The following FCRL1 variants were observed in gnomAD, a reference collection of about 807,000 sequenced individuals.
The protein encoded by FCRL1 is Fc receptor-like protein 1.
A neutral mutation model predicts 49.2 loss-of-function variants in FCRL1; 34 were observed. The observed-to-expected ratio is 0.69, with a 90% CI of 0.53 to 0.92. The LOEUF (loss-of-function observed/expected upper bound fraction) is 0.92. FCRL1 is among the 40% of genes least tolerant of loss of function. The pLI, the probability that FCRL1 is intolerant of heterozygous loss-of-function variation, is 0.00. For missense variants in FCRL1, 524 were observed against 524.1 expected, an observed-to-expected ratio of 1.00 and a Z score of 0.00; for synonymous variants, 218 against 201.6, an observed-to-expected ratio of 1.08 and a Z score of -0.69.
chr1:157,808,428 G>C (rs1041149937), intron 1 of FCRL1, among the ~76,000 whole-genome samples: 2 of 152,188 alleles, frequency 1.3e-5, no homozygotes, highest in Non-Finnish European at 2.9e-5. Context: ...ATTTGGGAAA[G>C]AGCATCCCTG....
intron 3 of FCRL1, among the ~76,000 whole-genome samples, chr1:157,803,584 A>G (rs1026447154): frequency 6.6e-6 from 1 of 152,146 alleles, no homozygotes; most frequent in Non-Finnish European, 1.5e-5. Flanking sequence ...CAGGGACCAA[A>G]TATTATGCAG....
intron 1 of FCRL1, among the ~76,000 whole-genome samples, chr1:157,809,991 C>A (rs1331851906): frequency 6.6e-6 from 1 of 152,092 alleles, no homozygotes; most frequent in East Asian, 1.9e-4. Flanking sequence ...AGAAAGCCAG[C>A]AGAATATGAT....
chr1:157,797,986 T>C (rs933498974), intron 8 of FCRL1, 47 bp from the exon 9 acceptor site: 4 of 1,587,954 alleles, frequency 2.5e-6, no homozygotes, highest in Admixed American at 1.7e-5. Context: ...CTGATTCCTG[T>C]CTTTCAAATT....
intron 7 of FCRL1, 115 bp from the exon 8 acceptor site, chr1:157,798,358 G>T (rs1022914936): frequency 1.6e-5 from 14 of 863,378 alleles, no homozygotes; most frequent in Non-Finnish European, 2.5e-5. Flanking sequence ...ACTAAGTTAC[G>T]GGGAAATGAG....
intron 1 of FCRL1, among the ~76,000 whole-genome samples, chr1:157,810,871 C>T (rs1654217453): frequency 6.6e-6 from 1 of 152,110 alleles, no homozygotes; most frequent in African/African-American, 2.4e-5. Flanking sequence ...ACCTCCTGGG[C>T]TCAAGTGATC....
rs145284358 is a variant in FCRL1, at chr1:157,812,396, G to C, written c.32-5274C>G. The stretch of plus-strand genomic sequence containing the variant: ...GCATCACAGAGCAGGGGCCACTACT[G>C]TGTCCCACCACTCCAGGGTCCAGAG... On this transcript the variant is annotated intron_variant, in intron 1 of 10. Coordinates refer to ENST00000368176, the MANE Select transcript of FCRL1 (RefSeq NM_052938.5). Among the ~76,000 whole-genome samples the C allele has an allele frequency of 4.7e-4, 71 of 152,188 alleles. No homozygotes were observed. In the East Asian group the frequency reaches 9.5e-3, roughly 20 times the overall value.
Position 157,797,888 on chromosome 1 carries a change from G to T in FCRL1, c.1166C>A (p.Pro389Gln), listed in dbSNP as rs370658792. The change falls in exon 9 of 11, where the codon CCG (proline) becomes CAG (glutamine). Residue 389 changes from proline to glutamine, a missense_variant. Physicochemically the swap from Pro to Gln is moderately conservative, Grantham distance 76. Coordinates refer to ENST00000368176, the MANE Select transcript of FCRL1 (RefSeq NM_052938.5). ...CTCACCTGCTACTGATTCCTGCTCC[G>T]GCTGGTTATAGTACGCCAGTGAATA... ...EVYSLAYYNQ[P>Q]EQESVAAETL... The T allele has an allele frequency of 1.9e-6, 3 of 1,614,006 alleles. No individual in the cohort carries two copies. The highest frequency in any genetic ancestry group is 2.2e-5 in the East Asian group (1 of 44,898).
At chr1:157,807,218 C>T in intron 1 of FCRL1, 96 bp from the exon 2 acceptor site, 2 of 1,313,550 alleles carry the variant, frequency 1.5e-6, no homozygotes, top group Non-Finnish European at 2.1e-6. Context: ...ACCACACCCT[C>T]CATCCCCTGG....
Position 157,796,132 on chromosome 1 carries a change from G to A in FCRL1, c.1257C>T (p.Asn419=), listed in dbSNP as rs753261539. Residue 419 remains asparagine (N), a synonymous_variant, in exon 11 of 11, where the codon AAC becomes AAT. Coordinates refer to ENST00000368176, the MANE Select transcript of FCRL1 (RefSeq NM_052938.5). ...LDIYSRLRKA[N]ITDVDYEDAM ...CATCTTCATAGTCCACATCTGTAAT[G>A]TTTGCTTTCCTCAGCCTGGAATAGA... is the stretch of plus-strand genomic sequence containing the variant. 8 of 1,613,928 alleles carry A rather than the reference G, an allele frequency of 5.0e-6. No homozygotes were observed. Among genetic ancestry groups the A allele is most frequent in the Middle Eastern group, 1.6e-4 (1 of 6,082 alleles).
At position 157,815,355 on chromosome 1, in the gene FCRL1, T is replaced by C. The variant is rs543123558; in HGVS notation, c.31+4652A>G. 2.0e-5 allele frequency among the ~76,000 whole-genome samples: 3 copies of C among 151,814 alleles called. No individual in the cohort carries two copies. The South Asian group carries it at 6.2e-4, about 32-fold the overall frequency. On this transcript the variant is annotated intron_variant, in intron 1 of 10. Transcript: ENST00000368176. ...GAACATCATGCTCCCAAAGAACCAA[T>C]GAGTCAATGAAAAATAATTCAAAGA...
intron 3 of FCRL1, among the ~76,000 whole-genome samples, chr1:157,803,597 C>T (rs1301570502): frequency 6.6e-6 from 1 of 152,174 alleles, no homozygotes; most frequent in Non-Finnish European, 1.5e-5. Context: ...TTATGCAGCT[C>T]TTCCCCCCAC....
In FCRL1 at chr1:157,796,022, C is replaced by T. The variant is rs1651407584; in HGVS notation, c.*77G>A. On this transcript the variant is annotated 3_prime_UTR_variant, in exon 11 of 11. Transcript: ENST00000368176. ...GAGGTATACTGGAAAGCTAATGCCC[C>T]AGGATCTCTGAAGAACATATCAGGC... The T allele has an allele frequency of 8.2e-7, 1 of 1,217,490 alleles. No individual in the cohort carries two copies. The highest frequency in any genetic ancestry group is 1.2e-6 in the Non-Finnish European group (1 of 819,920). 75.4% of individuals were successfully genotyped at this position (1,217,490 alleles called of 1,614,324 possible).
rs1652962821 is a variant in FCRL1, at chr1:157,803,975, T to G, written c.189A>C (p.Pro63=). 8.7e-6 allele frequency: 14 copies of G among 1,614,090 alleles called. No individual in the cohort carries two copies. The highest frequency in any genetic ancestry group is 1.2e-5 in the Non-Finnish European group (14 of 1,180,050). Residue 63 remains proline (P), a synonymous_variant, in exon 3 of 11, where the codon CCA becomes CCC. Transcript: ENST00000368176. ...GGAGCTTGGGGGAGCTGCTCCAGCCTGGGCCCAAGGCCCGGGTGTCTCTGA... is the reference window on the plus strand; with the variant it reads ...GGAGCTTGGGGGAGCTGCTCCAGCCGGGGCCCAAGGCCCGGGTGTCTCTGA... ...CFFRDTRALG[P]GWSSSPKLQI...
intron 1 of FCRL1, among the ~76,000 whole-genome samples, chr1:157,808,978 T>A (rs1457938827): frequency 2.6e-5 from 4 of 152,132 alleles, no homozygotes; most frequent in Non-Finnish European, 5.9e-5. Flanking sequence ...AGGTTAAGTT[T>A]TGTGGTGGTG....
chr1:157,798,099 C>T, intron 8 of FCRL1, 62 bp downstream of exon 8: 2 of 1,549,944 alleles, frequency 1.3e-6, no homozygotes, highest in South Asian at 1.1e-5. Flanking sequence ...CAGATGTTAT[C>T]CCATTGTCCC....
chr1:157,796,234 TC>T, intron 10 of FCRL1, 64 bp from the exon 11 acceptor site: 1 of 1,342,312 alleles, frequency 7.4e-7, no homozygotes, highest in Non-Finnish European at 1.1e-6. Flanking sequence ...CTGGTCCCCT[TC>T]CCCAGTTAGC....
At chr1:157,796,223 A>G in intron 10 of FCRL1, 53 bp from the exon 11 acceptor site, 2 of 1,428,166 alleles carry the variant, frequency 1.4e-6, no homozygotes, top group South Asian at 1.1e-5. Flanking sequence ...ACATGCCTCC[A>G]CTGGTCCCCT....
At chr1:157,796,199 G>T (rs1322927907) in intron 10 of FCRL1, 29 bp from the exon 11 acceptor site, 1 of 1,595,300 alleles carries the variant, frequency 6.3e-7, no homozygotes, top group African/African-American at 1.3e-5. Context: ...ACTAGAGCAG[G>T]GAAGACAAGC....
chr1:157,797,880 C>G lies in FCRL1; in HGVS notation c.1174G>C (p.Glu392Gln), dbSNP rs1331131199. The change falls in exon 9 of 11, where the codon GAA becomes CAA. Residue 392 changes from glutamate to glutamine, a missense_variant. Transcript: ENST00000368176. ...SLAYYNQPEQ[E>Q]SVAAETLGTH... Reference sequence around the variant, plus strand: ...CCCCATGTCTCACCTGCTACTGATTCCTGCTCCGGCTGGTTATAGTACGCC... The same window carrying G: ...CCCCATGTCTCACCTGCTACTGATTGCTGCTCCGGCTGGTTATAGTACGCC... 2 of 1,614,188 alleles carry G rather than the reference C, an allele frequency of 1.2e-6. No homozygotes were observed. The highest frequency in any genetic ancestry group is 2.7e-5 in the African/African-American group (2 of 75,042).
Sources: allele counts gnomAD v4.1 joint callset (sites outside exome capture counted in the v4.1 genomes callset), GRCh38; gene constraint gnomAD v4.1.1; transcripts MANE v1.5; gene names NCBI Gene and HGNC (gene_info 2026-07-23, HGNC 2026-07-21).